KIAA1549: variants seen among roughly 807,000 people sequenced by gnomAD.
KIAA1549 encodes KIAA1549, also known as UPF0606 protein KIAA1549.
Under a neutral mutation model 156.4 loss-of-function variants are expected in KIAA1549, and 70 were observed. That is an observed-to-expected ratio of 0.45 (90% CI 0.37 to 0.55). KIAA1549 has a LOEUF of 0.55. KIAA1549 is among the 20% of genes least tolerant of loss of function. The pLI is 0.00. For missense variants in KIAA1549, 2,428 were observed against 2,540.9 expected (o/e 0.96, Z 0.96); for synonymous variants, 1,103 against 1,066.4 (o/e 1.03, Z -0.67).
chr7:138,919,027 A>G lies in KIAA1549; in HGVS notation c.599T>C (p.Met200Thr). 1 of 1,613,988 alleles carries G rather than the reference A, an allele frequency of 6.2e-7. No homozygotes were observed. ...CACTTCTTCATCTTGTAAAGAAACC[A>G]TGGGTAATGATGGAGTGAGCATAGG... ...LEPMLTPSLP[M>T]VSLQDEEVTS... is the part of the protein sequence containing the mutation. Residue 200 changes from methionine (M) to threonine (T), a missense_variant, in exon 2 of 20, where the codon ATG becomes ACG. Transcript: ENST00000422774.
intron 1 of KIAA1549, among the ~76,000 whole-genome samples, chr7:138,956,938 T>C (rs1326880505): frequency 7.8e-6 from 1 of 127,992 alleles, no homozygotes; most frequent in African/African-American, 3.5e-5. Flanking sequence ...GCACAATCTC[T>C]GTCCTCAAAA....
chr7:138,837,020 C>T lies in KIAA1549; in HGVS notation c.*886G>A, dbSNP rs1809728549. On this transcript the variant is annotated 3_prime_UTR_variant, in exon 20 of 20. Coordinates refer to ENST00000422774, the MANE Select transcript of KIAA1549 (RefSeq NM_001164665.2). ...AGGACCTCTTGAAAGCCGCATTCTA[C>T]AGGATCGGCCTTAGCGATCGGTGCT... is the stretch of plus-strand genomic sequence containing the variant. The T allele has an allele frequency of 4.4e-6, 1 of 229,188 alleles. No individual in the cohort carries two copies. Among genetic ancestry groups the T allele is most frequent in the Non-Finnish European group, 8.7e-6 (1 of 115,494 alleles). 14.2% of individuals were successfully genotyped at this position (229,188 alleles called of 1,614,324 possible).
At position 138,869,560 on chromosome 7, in the gene KIAA1549, C is replaced by T. The variant is rs766001165; in HGVS notation, c.4753G>A (p.Val1585Met). The T allele has an allele frequency of 2.5e-5, 39 of 1,578,040 alleles. No individual in the cohort carries two copies. Among genetic ancestry groups the T allele is most frequent in the Admixed American group, 1.3e-4 (7 of 54,680 alleles). The change falls in exon 14 of 20, where the codon GTG becomes ATG. Residue 1585 changes from valine to methionine, a missense_variant. Around this residue, in one of 5 missense-constraint regions of KIAA1549, gnomAD observed 404 missense variants for 417.0 expected, o/e 0.97. Coordinates refer to ENST00000422774, the MANE Select transcript of KIAA1549 (RefSeq NM_001164665.2). The stretch of plus-strand genomic sequence containing the variant: ...CACCTCTTCCTGGGCTCTATGAACA[C>T]GGAGGGCACGCTGGCCGTGGGGTCC... ...ILDPTASVPS[V>M]FIEPRKSSRI... is the part of the protein sequence containing the mutation.
At chr7:138,891,268 T>A (rs1656418558) in intron 10 of KIAA1549, among the ~76,000 whole-genome samples, 1 of 152,262 alleles carries the variant, frequency 6.6e-6, no homozygotes, top group African/African-American at 2.4e-5. Flanking sequence ...TCCAGCCGGT[T>A]GCCCAAAGTG....
intron 8 of KIAA1549, among the ~76,000 whole-genome samples, chr7:138,900,234 A>G (rs1482623074): frequency 2.0e-5 from 3 of 152,174 alleles, no homozygotes; most frequent in Non-Finnish European, 2.9e-5. Flanking sequence ...CTTCTTCCAG[A>G]TCGTGTCTAA....
chr7:138,975,389 C>T (rs938743691), intron 1 of KIAA1549, among the ~76,000 whole-genome samples: 1 of 151,824 alleles, frequency 6.6e-6, no homozygotes, highest in Non-Finnish European at 1.5e-5. Context: ...AGAACATCTA[C>T]CAGGCAAGGA....
chr7:138,869,916 C>G (rs1293592750), intron 13 of KIAA1549, among the ~76,000 whole-genome samples, 155 bp from the exon 14 acceptor site: 1 of 152,154 alleles, frequency 6.6e-6, no homozygotes, highest in Non-Finnish European at 1.5e-5. Flanking sequence ...ATGGCATGAT[C>G]TCAGCTCGCT....
chr7:138,964,669 C>A (rs890525456), intron 1 of KIAA1549, among the ~76,000 whole-genome samples: 4 of 152,148 alleles, frequency 2.6e-5, no homozygotes, highest in Non-Finnish European at 5.9e-5. Context: ...AGAAATGCAC[C>A]TTTAATGGAG....
intron 1 of KIAA1549, among the ~76,000 whole-genome samples, chr7:138,936,765 G>A (rs1021133234): frequency 7.5e-5 from 10 of 133,366 alleles, no homozygotes; most frequent in African/African-American, 2.6e-4. Flanking sequence ...CCAAACGCTG[G>A]TACTGTGGGC....
chr7:138,946,421 C>T (rs894809806), intron 1 of KIAA1549, among the ~76,000 whole-genome samples: 2 of 152,110 alleles, frequency 1.3e-5, no homozygotes, highest in African/African-American at 4.8e-5. Context: ...CTCTTTCTTT[C>T]GCTTGGCTAT....
chr7:138,903,837 GTGTGTGTGT>G, intron 7 of KIAA1549, 101 bp from the exon 8 acceptor site: 2 of 555,286 alleles, frequency 3.6e-6, no homozygotes, highest in Admixed American at 4.4e-5. Flanking sequence ...GTGTGTGTGT[GTGTGTGTGT>G]GTGTGTGCGC....
At chr7:138,881,336 T>TC (rs1811236346) in intron 11 of KIAA1549, 52 bp downstream of exon 11, 1 of 1,547,936 alleles carries the variant, frequency 6.5e-7, no homozygotes, top group East Asian at 2.2e-5. Flanking sequence ...CACAGCCTGA[T>TC]AACAGAAGCA....
At chr7:138,911,713 A>AT (rs1432758319) in intron 3 of KIAA1549, among the ~76,000 whole-genome samples, 3 of 152,242 alleles carry the variant, frequency 2.0e-5, no homozygotes, top group African/African-American at 7.2e-5. Context: ...TTTTAAATAC[A>AT]TTTTATTTAA....
In KIAA1549 at chr7:138,918,851, T is replaced by C. The variant is rs368864405; in HGVS notation, c.775A>G (p.Ser259Gly). 24 of 1,613,922 alleles carry C rather than the reference T, an allele frequency of 1.5e-5. No homozygotes were observed. Among genetic ancestry groups the C allele is most frequent in the Non-Finnish European group, 2.0e-5 (24 of 1,179,906 alleles). Residue 259 changes from serine to glycine, a missense_variant, in exon 2 of 20, where the codon AGT becomes GGT. Physicochemically the swap from Ser to Gly is moderately conservative, Grantham distance 56 (BLOSUM62 0). Around this residue, in one of 5 missense-constraint regions of KIAA1549, gnomAD observed 893 missense variants for 847.9 expected, o/e 1.05. Coordinates refer to ENST00000422774, the MANE Select transcript of KIAA1549 (RefSeq NM_001164665.2). The surrounding 1 kb of genome is among the most constrained non-coding windows in gnomAD (Gnocchi z 4.2). ...GGCAGAGTCCTGCTTGATAAATGAC[T>C]GTAAGCATCAGTAGGATAAAGCACC... ...NLVLYPTDAY[S>G]HLSSRTLPEI... is the part of the protein sequence containing the mutation.
chr7:138,839,743 C>T (rs935173247), intron 19 of KIAA1549, among the ~76,000 whole-genome samples: 1 of 151,102 alleles, frequency 6.6e-6, no homozygotes, highest in South Asian at 2.1e-4. Context: ...AGGGACCCCC[C>T]CCAAAGCAGA....
rs116496562 is a variant in KIAA1549, at chr7:138,977,174, A to G, written c.187+3909T>C. On this transcript the variant is annotated intron_variant, in intron 1 of 19. Transcript: ENST00000422774. The stretch of plus-strand genomic sequence containing the variant: ...AAACTTCTACATTTCAAAATTATGT[A>G]AAATTTAAAAGAAATTCCTTTGGAA... Among the ~76,000 whole-genome samples the G allele has an allele frequency of 3.9e-3, 588 of 152,368 alleles. 4 individuals are homozygous for G. Among genetic ancestry groups the G allele is most frequent in the African/African-American group, 0.014 (568 of 41,598 alleles).
At chr7:138,847,945 T>C (rs571881071) in intron 17 of KIAA1549, among the ~76,000 whole-genome samples, 17 of 152,346 alleles carry the variant, frequency 1.1e-4, no homozygotes, top group African/African-American at 3.8e-4. Flanking sequence ...CTAAGTGTTA[T>C]TTTAAATGAC....
intron 17 of KIAA1549, among the ~76,000 whole-genome samples, chr7:138,851,009 T>A (rs1386318970): frequency 6.6e-6 from 1 of 152,216 alleles, no homozygotes; most frequent in Non-Finnish European, 1.5e-5. Flanking sequence ...GTTCTATATA[T>A]GTCAATTAGG....
chr7:138,929,387 T>A (rs1426543631), intron 1 of KIAA1549, among the ~76,000 whole-genome samples: 1 of 152,144 alleles, frequency 6.6e-6, no homozygotes, highest in African/African-American at 2.4e-5. Flanking sequence ...CCATGAGTGC[T>A]GCAATTCGTC....
Sources: gnomAD v4.1 joint callset for allele counts (sites outside exome capture counted in the v4.1 genomes callset) on GRCh38, gnomAD v4.1.1 for gene constraint, gnomAD v4.1.1 regional missense constraint, Gnocchi (gnomAD v3.1) non-coding constraint, MANE v1.5 for transcripts, NCBI Gene and HGNC (gene_info 2026-07-23, HGNC 2026-07-21) for gene names.